CENPP: variants seen among roughly 807,000 people sequenced by gnomAD.
CENPP encodes the protein centromere protein P.
CENPP carries 24 observed loss-of-function variants against 35.6 expected under a neutral mutation model. The observed-to-expected ratio is 0.67, with a 90% CI of 0.49 to 0.95. The LOEUF is 0.95. Among genes scored for constraint, CENPP ranks in the 40% least tolerant of loss-of-function variants. The pLI, the probability that CENPP is intolerant of heterozygous loss-of-function variation, is 0.00. For synonymous variants in CENPP, 120 were observed against 125.5 expected (o/e 0.96, Z 0.29); for missense variants, 332 against 345.3 (o/e 0.96, Z 0.31).
intron 5 of CENPP, among the ~76,000 whole-genome samples, chr9:92,605,349 T>C (rs527284110): frequency 6.6e-6 from 1 of 150,976 alleles, no homozygotes; most frequent in South Asian, 2.1e-4. Flanking sequence ...ACAGTAAGCA[T>C]TGAAATTCAT....
Position 92,525,618 on chromosome 9 carries a change from C to T in CENPP, c.565-85696C>T, listed in dbSNP as rs138835617. On this transcript the variant is annotated intron_variant, in intron 5 of 7. Transcript: ENST00000375587. ...ATAAAAATACAGCACAGGCTGGGCGCGGTGGCTCAAGCCTATAATCCCAGC... is the reference window on the plus strand; with the variant it reads ...ATAAAAATACAGCACAGGCTGGGCGTGGTGGCTCAAGCCTATAATCCCAGC... Among the ~76,000 whole-genome samples, 296 of 152,192 alleles carry T rather than the reference C, an allele frequency of 1.9e-3. 2 individuals carry two copies. Among genetic ancestry groups the T allele is most frequent in the African/African-American group, 6.5e-3 (268 of 41,530 alleles).
At chr9:92,330,892 A>G (rs1588029786) in intron 1 of CENPP, among the ~76,000 whole-genome samples, 1 of 151,746 alleles carries the variant, frequency 6.6e-6, no homozygotes, top group East Asian at 1.9e-4. Flanking sequence ...GTTTCACCAT[A>G]TTGGCCAGGC....
chr9:92,483,082 T>C (rs1419048330), intron 5 of CENPP, among the ~76,000 whole-genome samples: 1 of 152,164 alleles, frequency 6.6e-6, no homozygotes, highest in Non-Finnish European at 1.5e-5. Context: ...AAGAGAATAT[T>C]AGCTATGGCC....
At chr9:92,397,034 A>G (rs1048233979) in intron 5 of CENPP, among the ~76,000 whole-genome samples, 35 of 150,866 alleles carry the variant, frequency 2.3e-4, no homozygotes, top group East Asian at 8.1e-4. Context: ...AAAATTAGCC[A>G]GGTGTGGTGG....
chr9:92,492,050 G>T (rs141518821), intron 5 of CENPP, among the ~76,000 whole-genome samples: 9 of 152,068 alleles, frequency 5.9e-5, no homozygotes, highest in Non-Finnish European at 1.0e-4. Flanking sequence ...TTTCTCCTCT[G>T]AACTACGTGT....
At chr9:92,353,280 A>G (rs76724341) in intron 4 of CENPP, among the ~76,000 whole-genome samples, 3,056 of 152,306 alleles carry the variant, frequency 0.02, 45 homozygotes, top group Non-Finnish European at 0.026. Flanking sequence ...CATAGCTGGT[A>G]CTGATGACTC....
At chr9:92,595,704 G>A (rs190039096) in intron 5 of CENPP, among the ~76,000 whole-genome samples, 267 of 151,858 alleles carry the variant, frequency 1.8e-3, no homozygotes, top group Admixed American at 3.6e-3. Flanking sequence ...TAGCTGGGAT[G>A]ACAGGCGTGC....
intron 5 of CENPP, among the ~76,000 whole-genome samples, chr9:92,587,326 A>G (rs193279760): frequency 1.3e-3 from 203 of 152,150 alleles, no homozygotes; most frequent in African/African-American, 4.6e-3. Flanking sequence ...AAAATTAGCC[A>G]GGCATGGTGG....
chr9:92,595,324 C>T (rs1195313316), intron 5 of CENPP, among the ~76,000 whole-genome samples: 1 of 152,182 alleles, frequency 6.6e-6, no homozygotes, highest in African/African-American at 2.4e-5. Flanking sequence ...TCACTGCAGT[C>T]TCAACCACCT....
Position 92,332,280 on chromosome 9 carries a change from T to C in CENPP, c.218T>C (p.Leu73Pro). 1 of 1,612,732 alleles carries C rather than the reference T, an allele frequency of 6.2e-7. No homozygotes were observed. Among genetic ancestry groups the C allele is most frequent in the Non-Finnish European group, 8.5e-7 (1 of 1,179,370 alleles). ...LESELSFLST[L>P]TGINIRNHSK... ...TCAGAACTTTCATTTCTAAGTACGC[T>C]TACTGGCATCAATATAAGAAATCAC... Residue 73 changes from leucine to proline, a missense_variant, in exon 2 of 8, where the codon CTT becomes CCT. By Grantham distance (98) the Leu-to-Pro change is moderately conservative. Coordinates refer to ENST00000375587, the MANE Select transcript of CENPP (RefSeq NM_001012267.3).
At chr9:92,377,687 T>C (rs1383068235) in intron 4 of CENPP, among the ~76,000 whole-genome samples, 1 of 152,228 alleles carries the variant, frequency 6.6e-6, no homozygotes, top group Non-Finnish European at 1.5e-5. Context: ...CAGCACTTCC[T>C]ATTTTGCCAA....
chr9:92,494,180 A>C (rs1208851100), intron 5 of CENPP: 1 of 1,592,116 alleles, frequency 6.3e-7, no homozygotes, highest in African/African-American at 1.3e-5. Flanking sequence ...AAATGAATGA[A>C]TGAATCGTTT....
In CENPP at chr9:92,609,503, AAG is replaced by A. The variant is rs577002289; in HGVS notation, c.565-1810_565-1809del. ...AAACGTCCCCTCACTATCCTTCCCT[AAG>A]GCCTGGGGAGGCCACAGTGCTTTTT... On this transcript the variant is annotated intron_variant, in intron 5 of 7. Transcript: ENST00000375587. 2.2e-3 allele frequency among the ~76,000 whole-genome samples: 328 copies of A among 152,350 alleles called. 4 individuals are homozygous for A. The highest frequency in any genetic ancestry group is 0.019 in the South Asian group (94 of 4,824).
At chr9:92,508,854 A>G (rs548625728) in intron 5 of CENPP, among the ~76,000 whole-genome samples, 7 of 152,268 alleles carry the variant, frequency 4.6e-5, no homozygotes, top group South Asian at 2.1e-4. Context: ...AATAAATAAC[A>G]TAATAAATAA....
intron 5 of CENPP, chr9:92,415,203 T>G (rs982763613): frequency 1.7e-5 from 27 of 1,613,754 alleles, no homozygotes; most frequent in Non-Finnish European, 2.1e-5. Flanking sequence ...CTGCTCCTTC[T>G]TGTTCTGGGC....
At chr9:92,532,899 A>G (rs990626861) in intron 5 of CENPP, among the ~76,000 whole-genome samples, 2 of 152,098 alleles carry the variant, frequency 1.3e-5, no homozygotes, top group Admixed American at 6.6e-5. Context: ...CAGATATTGT[A>G]TATGAAAATA....
At chr9:92,444,315 A>G (rs1481099817) in intron 5 of CENPP, among the ~76,000 whole-genome samples, 1 of 152,130 alleles carries the variant, frequency 6.6e-6, no homozygotes. Flanking sequence ...CTTTGGAGAA[A>G]TGTCAATTTA....
At chr9:92,428,811 C>G (rs891692621) in intron 5 of CENPP, among the ~76,000 whole-genome samples, 3 of 152,132 alleles carry the variant, frequency 2.0e-5, no homozygotes, top group African/African-American at 7.2e-5. Flanking sequence ...CCTTGGCCTA[C>G]TACTTGCCCA....
At chr9:92,376,428 A>G (rs757288044) in intron 4 of CENPP, among the ~76,000 whole-genome samples, 1 of 152,320 alleles carries the variant, frequency 6.6e-6, no homozygotes, top group Non-Finnish European at 1.5e-5. Context: ...ACGGAAAACC[A>G]GGACATGAAC....
Sources: gnomAD v4.1 joint callset for allele counts (sites outside exome capture counted in the v4.1 genomes callset) on GRCh38, gnomAD v4.1.1 for gene constraint, MANE v1.5 for transcripts, NCBI Gene and HGNC (gene_info 2026-07-23, HGNC 2026-07-21) for gene names.